The following METTL24 variants were observed in gnomAD, a reference collection of about 807,000 sequenced individuals.
METTL24 encodes the protein probable methyltransferase-like protein 24.
Under a neutral mutation model 32.7 loss-of-function variants are expected in METTL24, and 29 were observed. The ratio of observed to expected loss-of-function variants is 0.89; its 90% CI spans 0.66 to 1.21. METTL24 has a LOEUF of 1.21. Ranked by LOEUF, METTL24 falls within the 50% of genes most tolerant of loss-of-function variation. METTL24 has a pLI of 0.00. For synonymous variants in METTL24, 163 were observed against 179.5 expected (o/e 0.91, Z 0.73); for missense variants, 439 against 468.1 (o/e 0.94, Z 0.57).
chr6:110,254,062 A>T, intron 4 of METTL24: 1 of 806,496 alleles, frequency 1.2e-6, no homozygotes, highest in Non-Finnish European at 1.7e-6. Context: ...CTCCTGCTTA[A>T]AAAAAATATG....
At chr6:110,336,703 C>T (rs1772239070) in intron 1 of METTL24, among the ~76,000 whole-genome samples, 1 of 147,188 alleles carries the variant, frequency 6.8e-6, no homozygotes, top group Non-Finnish European at 1.5e-5. Flanking sequence ...TGCGCCACTG[C>T]ACTCCAGCCT....
intron 4 of METTL24, among the ~76,000 whole-genome samples, chr6:110,274,716 G>A (rs1194604235): frequency 1.4e-5 from 2 of 146,620 alleles, no homozygotes; most frequent in South Asian, 2.1e-4. Context: ...AGGCAGAAAC[G>A]TATAAAGCAA....
At chr6:110,288,213 C>T (rs1771258140) in intron 4 of METTL24, among the ~76,000 whole-genome samples, 2 of 152,108 alleles carry the variant, frequency 1.3e-5, no homozygotes, top group Admixed American at 6.5e-5. Context: ...TGTGTTTCTC[C>T]TCTGGTCCTG....
chr6:110,245,970 A>T lies in METTL24; in HGVS notation c.1077T>A (p.Ser359Arg). 1 of 1,613,460 alleles carries T rather than the reference A, an allele frequency of 6.2e-7. No homozygotes were observed. The highest frequency in any genetic ancestry group is 8.5e-7 in the Non-Finnish European group (1 of 1,179,656). The change falls in exon 5 of 5, where the codon AGT becomes AGA. Residue 359 changes from serine (S) to arginine (R), a missense_variant. Ser to Arg is a moderately radical substitution (Grantham distance 110). Transcript: ENST00000338882. ...CCTATTTCCATCTTGTATTCACCCAACTCAGAGTATAACAGCTACTTGCAT... is the reference window on the plus strand; with the variant it reads ...CCTATTTCCATCTTGTATTCACCCATCTCAGAGTATAACAGCTACTTGCAT... ...IFNASSCYTLSWVNTRWK is the reference protein window; with the variant it reads ...IFNASSCYTLRWVNTRWK
At chr6:110,297,531 C>T (rs977860577) in intron 4 of METTL24, among the ~76,000 whole-genome samples, 2 of 152,106 alleles carry the variant, frequency 1.3e-5, no homozygotes. Flanking sequence ...AGACTCCTAA[C>T]TGAACACAAA....
intron 1 of METTL24, among the ~76,000 whole-genome samples, chr6:110,325,975 G>A (rs1383451119): frequency 6.6e-6 from 1 of 152,194 alleles, no homozygotes; most frequent in Non-Finnish European, 1.5e-5. Flanking sequence ...AAAAGACACT[G>A]GATGGGCCTC....
At chr6:110,267,371 T>C (rs1026383664) in intron 4 of METTL24, among the ~76,000 whole-genome samples, 2 of 152,234 alleles carry the variant, frequency 1.3e-5, no homozygotes, top group Non-Finnish European at 2.9e-5. Context: ...AAAAACTTTC[T>C]ACACAGAAAG....
intron 1 of METTL24, among the ~76,000 whole-genome samples, chr6:110,328,832 T>G (rs1307334888): frequency 1.3e-5 from 2 of 152,218 alleles, no homozygotes; most frequent in African/African-American, 4.8e-5. Context: ...CTATCGATTC[T>G]GTGTTATGCA....
chr6:110,338,041 T>C (rs528222413), intron 1 of METTL24, among the ~76,000 whole-genome samples: 92 of 152,322 alleles, frequency 6.0e-4, no homozygotes, highest in Admixed American at 1.6e-3. Context: ...CTGATTTAAA[T>C]GCCAGGGAGG....
intron 3 of METTL24, among the ~76,000 whole-genome samples, chr6:110,311,614 G>C (rs1771725362): frequency 6.6e-6 from 1 of 151,270 alleles, no homozygotes; most frequent in African/African-American, 2.4e-5. Context: ...GCTGGAACAA[G>C]AGGCGTGCAC....
intron 1 of METTL24, among the ~76,000 whole-genome samples, chr6:110,357,151 T>A (rs1477435958): frequency 6.6e-6 from 1 of 152,098 alleles, no homozygotes; most frequent in African/African-American, 2.4e-5. Flanking sequence ...TGAGGAGAGC[T>A]CATACCTGTA....
intron 4 of METTL24, among the ~76,000 whole-genome samples, chr6:110,247,991 G>T (rs1778200207): frequency 6.6e-6 from 1 of 152,132 alleles, no homozygotes. Flanking sequence ...ATGGTTTGGT[G>T]CTGTCCTCGA....
chr6:110,251,181 A>G (rs2114690959), intron 4 of METTL24, among the ~76,000 whole-genome samples: 1 of 152,340 alleles, frequency 6.6e-6, no homozygotes, highest in East Asian at 1.9e-4. Flanking sequence ...ATACACAGAA[A>G]GGGGAAGAGA....
chr6:110,337,444 G>T (rs576075471), intron 1 of METTL24, among the ~76,000 whole-genome samples: 5 of 152,204 alleles, frequency 3.3e-5, no homozygotes, highest in African/African-American at 1.2e-4. Context: ...AAAAAAGAGT[G>T]CACAGAATAA....
intron 1 of METTL24, among the ~76,000 whole-genome samples, chr6:110,353,754 T>C (rs1174904200): frequency 6.6e-6 from 1 of 152,126 alleles, no homozygotes; most frequent in Non-Finnish European, 1.5e-5. Flanking sequence ...TGTCTCTCTT[T>C]TGCAAATGGG....
intron 3 of METTL24, among the ~76,000 whole-genome samples, chr6:110,308,262 C>T (rs1356651559): frequency 6.6e-6 from 1 of 152,134 alleles, no homozygotes; most frequent in Non-Finnish European, 1.5e-5. Context: ...TACTGCAGTC[C>T]CATGCCCTTT....
At chr6:110,267,784 C>A (rs1183473762) in intron 4 of METTL24, among the ~76,000 whole-genome samples, 1 of 152,166 alleles carries the variant, frequency 6.6e-6, no homozygotes, top group Non-Finnish European at 1.5e-5. Flanking sequence ...CTGGCATCTG[C>A]TTCTGTGAGG....
chr6:110,357,481 G>A (rs1338237704), intron 1 of METTL24: 1 of 152,322 alleles, frequency 6.6e-6, no homozygotes, highest in East Asian at 1.9e-4. Flanking sequence ...TCAGCGAGAT[G>A]AAGGCAGTGG....
At position 110,358,294 on chromosome 6, in the gene METTL24, C is replaced by G; in HGVS notation, c.-22G>C. The G allele has an allele frequency of 7.0e-7, 1 of 1,431,290 alleles. No homozygotes were observed. The highest frequency in any genetic ancestry group is 9.1e-7 in the Non-Finnish European group (1 of 1,099,306). 88.7% of individuals were successfully genotyped at this position (1,431,290 alleles called of 1,614,324 possible). ...CCATGGCGCTACACTCGGGGTCCCG[C>G]GGGCCGCGCCTGGCCGGCAGCAGGG... On this transcript the variant is annotated 5_prime_UTR_variant, in exon 1 of 5. Transcript: ENST00000338882.
Sources: allele counts gnomAD v4.1 joint callset (sites outside exome capture counted in the v4.1 genomes callset), GRCh38; gene constraint gnomAD v4.1.1; transcripts MANE v1.5; gene names NCBI Gene and HGNC (gene_info 2026-07-23, HGNC 2026-07-21).